The following CMTM8 variants were observed in gnomAD, a reference collection of about 807,000 sequenced individuals.
The protein encoded by CMTM8 is CKLF like MARVEL transmembrane domain containing 8.
A neutral mutation model predicts 18.6 loss-of-function variants in CMTM8; 12 were observed. That is an observed-to-expected ratio of 0.65 (90% CI 0.41 to 1.05). CMTM8 has a LOEUF of 1.05. CMTM8 is among the 50% of genes least tolerant of loss of function. The probability of loss-of-function intolerance (pLI) is 0.00; values close to 1 mark genes in which losing one functional copy is unlikely to be tolerated. For synonymous variants in CMTM8, 87 were observed against 90.6 expected, an observed-to-expected ratio of 0.96 and a Z score of 0.23; for missense variants, 217 against 227.2, an observed-to-expected ratio of 0.95 and a Z score of 0.29.
At chr3:32,281,425 T>G (rs544203541) in intron 1 of CMTM8, among the ~76,000 whole-genome samples, 1 of 152,314 alleles carries the variant, frequency 6.6e-6, no homozygotes, top group African/African-American at 2.4e-5. Flanking sequence ...AAATCTTACC[T>G]TTTTTAAATG....
At chr3:32,369,469 C>G (rs897732446) in intron 3 of CMTM8, among the ~76,000 whole-genome samples, 3 of 152,178 alleles carry the variant, frequency 2.0e-5, no homozygotes, top group African/African-American at 4.8e-5. Context: ...TTTTCCTCCT[C>G]CCTGTTCACA....
intron 1 of CMTM8, among the ~76,000 whole-genome samples, chr3:32,355,841 C>T (rs1020258853): frequency 2.0e-5 from 3 of 152,176 alleles, no homozygotes; most frequent in African/African-American, 4.8e-5. Context: ...CCTTTGCCCA[C>T]GCTGTGTCCT....
At chr3:32,288,710 C>T (rs578111658) in intron 1 of CMTM8, among the ~76,000 whole-genome samples, 1 of 152,142 alleles carries the variant, frequency 6.6e-6, no homozygotes, top group Admixed American at 6.5e-5. Flanking sequence ...CCATGTTAGC[C>T]AGGATGTTCT....
intron 1 of CMTM8, among the ~76,000 whole-genome samples, chr3:32,307,781 A>T (rs1695745441): frequency 6.6e-6 from 1 of 152,212 alleles, no homozygotes; most frequent in African/African-American, 2.4e-5. Flanking sequence ...TTCCTGAGTC[A>T]GTAGATCTGG....
At chr3:32,318,043 G>A (rs1174607223) in intron 1 of CMTM8, among the ~76,000 whole-genome samples, 3 of 90,856 alleles carry the variant, frequency 3.3e-5, no homozygotes, top group East Asian at 6.6e-4. Context: ...CAACAAGAAC[G>A]AAACTCTGTC....
chr3:32,267,059 C>T (rs1167319160), intron 1 of CMTM8, among the ~76,000 whole-genome samples: 3 of 152,112 alleles, frequency 2.0e-5, no homozygotes, highest in Non-Finnish European at 2.9e-5. Context: ...CCATCCCCAT[C>T]AAGCTACCAA....
intron 1 of CMTM8, among the ~76,000 whole-genome samples, chr3:32,266,670 G>T (rs913754489): frequency 6.6e-6 from 1 of 151,830 alleles, no homozygotes; most frequent in African/African-American, 2.4e-5. Context: ...AATTGTCCCT[G>T]TTTGCAGATG....
chr3:32,239,858 T>G (rs1420044664), intron 1 of CMTM8, among the ~76,000 whole-genome samples: 1 of 152,208 alleles, frequency 6.6e-6, no homozygotes, highest in Non-Finnish European at 1.5e-5. Context: ...TACCAGGATC[T>G]TGTCAAGCCC....
At chr3:32,347,391 C>T (rs759076668) in intron 1 of CMTM8, among the ~76,000 whole-genome samples, 3 of 150,778 alleles carry the variant, frequency 2.0e-5, no homozygotes, top group African/African-American at 4.9e-5. Flanking sequence ...CACACGCTGA[C>T]GGGGCTGGAC....
intron 1 of CMTM8, among the ~76,000 whole-genome samples, chr3:32,324,808 T>C (rs149175138): frequency 4.5e-4 from 68 of 152,240 alleles, no homozygotes; most frequent in African/African-American, 1.3e-3. Context: ...GGAGCCCCCA[T>C]AGGAAAACAA....
chr3:32,349,179 G>T (rs1392804574), intron 1 of CMTM8, among the ~76,000 whole-genome samples: 5 of 151,902 alleles, frequency 3.3e-5, no homozygotes, highest in Non-Finnish European at 7.3e-5. Flanking sequence ...TTTCTTCATA[G>T]ATCCAATAAT....
At chr3:32,367,266 C>T (rs1216881298) in intron 2 of CMTM8, among the ~76,000 whole-genome samples, 9 of 152,120 alleles carry the variant, frequency 5.9e-5, no homozygotes, top group Non-Finnish European at 8.8e-5. Context: ...AAATACCTAC[C>T]GGGACTTACA....
intron 1 of CMTM8, among the ~76,000 whole-genome samples, chr3:32,319,074 A>ATTTT (rs1177949113): frequency 3.2e-4 from 10 of 31,532 alleles, no homozygotes; most frequent in Admixed American, 1.7e-3. Flanking sequence ...ATATATATAT[A>ATTTT]TTTTTTTTTT....
chr3:32,338,635 G>T (rs1406992777), intron 1 of CMTM8, among the ~76,000 whole-genome samples: 1 of 152,128 alleles, frequency 6.6e-6, no homozygotes, highest in Non-Finnish European at 1.5e-5. Flanking sequence ...GACAAACCCA[G>T]GTCTCCCAGG....
At chr3:32,295,790 A>T (rs1702868276) in intron 1 of CMTM8, among the ~76,000 whole-genome samples, 1 of 152,026 alleles carries the variant, frequency 6.6e-6, no homozygotes, top group African/African-American at 2.4e-5. Context: ...CCTTTCCTGG[A>T]CTGCAAGGCC....
At chr3:32,258,988 G>T in intron 1 of CMTM8, 1 of 328,668 alleles carries the variant, frequency 3.0e-6, no homozygotes. Flanking sequence ...CCAGTCCGTG[G>T]GCTCTGTCCA....
intron 1 of CMTM8, among the ~76,000 whole-genome samples, chr3:32,336,756 A>G (rs1248078188): frequency 2.0e-5 from 3 of 152,112 alleles, no homozygotes; most frequent in Non-Finnish European, 4.4e-5. Flanking sequence ...CCTTTATCTC[A>G]GTTCTGTTCC....
At chr3:32,239,140 G>T in intron 1 of CMTM8, 21 bp downstream of exon 1, 1 of 1,580,692 alleles carries the variant, frequency 6.3e-7, no homozygotes, top group Non-Finnish European at 8.6e-7. Context: ...ACGGGCCGGG[G>T]GTGGCGGGGG....
intron 1 of CMTM8, among the ~76,000 whole-genome samples, chr3:32,346,171 A>G (rs573051010): frequency 2.6e-5 from 4 of 152,336 alleles, no homozygotes; most frequent in Admixed American, 1.3e-4. Flanking sequence ...AGAAAAGAAA[A>G]GAAAATTCTA....
Sources: gnomAD v4.1 joint callset for allele counts (sites outside exome capture counted in the v4.1 genomes callset) on GRCh38, gnomAD v4.1.1 for gene constraint, MANE v1.5 for transcripts, NCBI Gene and HGNC (gene_info 2026-07-23, HGNC 2026-07-21) for gene names.